Variants in NAA11 observed in about 807,000 individuals in gnomAD.
The protein encoded by NAA11 is N-alpha-acetyltransferase 11.
NAA11 carries 15 observed loss-of-function variants against 16.1 expected under a neutral mutation model. The ratio of observed to expected loss-of-function variants is 0.93; its 90% CI spans 0.62 to 1.44. The LOEUF is 1.44. NAA11 is among the 40% of genes most tolerant of loss of function. The pLI is 0.00. For missense variants in NAA11, 298 were observed against 291.3 expected, an observed-to-expected ratio of 1.02 and a Z score of -0.17; for synonymous variants, 122 against 112.4, an observed-to-expected ratio of 1.09 and a Z score of -0.54.
intron 1 of NAA11, among the ~76,000 whole-genome samples, chr4:79,318,704 G>A (rs1486564363): frequency 6.6e-6 from 1 of 152,146 alleles, no homozygotes; most frequent in African/African-American, 2.4e-5. Context: ...GGAGGAACAG[G>A]TCAGAAAGAC....
At chr4:79,266,107 C>T (rs533654035) in intron 2 of NAA11, among the ~76,000 whole-genome samples, 1 of 152,272 alleles carries the variant, frequency 6.6e-6, no homozygotes, top group East Asian at 1.9e-4. Context: ...GCCCTCATAT[C>T]CCCACTTCTC....
chr4:79,169,069 A>C, the NAA11 span, among the ~76,000 whole-genome samples: 1 of 152,208 alleles, frequency 6.6e-6, no homozygotes, highest in African/African-American at 2.4e-5. Context: ...GACCTCTTCA[A>C]GGAGAACTAC....
intron 2 of NAA11, chr4:79,244,631 TCCCCCTC>T (rs1721764379): frequency 3.1e-5 from 1 of 32,544 alleles, no homozygotes; most frequent in Non-Finnish European, 7.0e-5. Flanking sequence ...CCCCTCCCCC[TCCCCCTC>T]CCCGTCTCCG....
intron 2 of NAA11, among the ~76,000 whole-genome samples, chr4:79,274,284 T>C (rs777402295): frequency 6.6e-6 from 1 of 152,046 alleles, no homozygotes; most frequent in Non-Finnish European, 1.5e-5. Flanking sequence ...CTACACTGCA[T>C]TATGGGCTGA....
chr4:79,275,431 C>T (rs1006805757), intron 2 of NAA11, among the ~76,000 whole-genome samples: 3 of 151,960 alleles, frequency 2.0e-5, no homozygotes, highest in Non-Finnish European at 2.9e-5. Flanking sequence ...CAGATTTTTT[C>T]GCCCTACTAG....
chr4:79,168,316 T>G, the NAA11 span, among the ~76,000 whole-genome samples: 5 of 152,332 alleles, frequency 3.3e-5, no homozygotes, highest in South Asian at 1.0e-3. Flanking sequence ...TTGTGAACAG[T>G]GCCACAATAA....
the NAA11 span, among the ~76,000 whole-genome samples, chr4:79,197,237 G>T: frequency 4.0e-5 from 6 of 151,614 alleles, no homozygotes; most frequent in East Asian, 3.9e-4. Flanking sequence ...TTACTGAGGG[G>T]TTTTTTTTAA....
At chr4:79,172,026 A>G in the NAA11 span, among the ~76,000 whole-genome samples, 2 of 152,172 alleles carry the variant, frequency 1.3e-5, no homozygotes, top group Admixed American at 6.6e-5. Flanking sequence ...AACTTAGGAC[A>G]TTAAGAAGAA....
chr4:79,174,075 C>T, the NAA11 span, among the ~76,000 whole-genome samples: 1 of 152,038 alleles, frequency 6.6e-6, no homozygotes, highest in Admixed American at 6.6e-5. Context: ...CACCTGTGAT[C>T]CTGTTCATCA....
intron 2 of NAA11, among the ~76,000 whole-genome samples, chr4:79,241,900 C>T (rs1578157730): frequency 6.6e-6 from 1 of 152,222 alleles, no homozygotes; most frequent in East Asian, 1.9e-4. Context: ...CCACCTATCA[C>T]TACATGCTTT....
the NAA11 span, among the ~76,000 whole-genome samples, chr4:79,190,663 T>A: frequency 2.6e-5 from 4 of 152,264 alleles, no homozygotes; most frequent in South Asian, 2.1e-4. Flanking sequence ...TTTATTTTTT[T>A]AAATTTTTTA....
chr4:79,213,837 C>T, the NAA11 span, among the ~76,000 whole-genome samples: 1 of 152,158 alleles, frequency 6.6e-6, no homozygotes. Flanking sequence ...CTCACCTTCA[C>T]AGAAATACTG....
chr4:79,175,099 A>G, the NAA11 span, among the ~76,000 whole-genome samples: 1 of 152,054 alleles, frequency 6.6e-6, no homozygotes, highest in African/African-American at 2.4e-5. Flanking sequence ...TCTGAATGCA[A>G]ACTGTGTCTC....
intron 2 of NAA11, among the ~76,000 whole-genome samples, chr4:79,268,835 A>G (rs1267896741): frequency 2.1e-5 from 3 of 141,056 alleles, no homozygotes; most frequent in South Asian, 2.6e-4. Flanking sequence ...ATATCTCCCA[A>G]TGCTATCCCT....
chr4:79,188,381 C>T, the NAA11 span, among the ~76,000 whole-genome samples: 164 of 152,006 alleles, frequency 1.1e-3, no homozygotes, highest in African/African-American at 3.8e-3. Context: ...GTCGGGAGAT[C>T]GAGACCATCC....
chr4:79,300,074 A>C (rs967529193), intron 1 of NAA11, among the ~76,000 whole-genome samples: 5 of 152,174 alleles, frequency 3.3e-5, no homozygotes, highest in Non-Finnish European at 7.3e-5. Flanking sequence ...TCCCAAAGAG[A>C]CATTCATGCT....
chr4:79,222,316 C>CA (rs1560687447), downstream of NAA11, among the ~76,000 whole-genome samples: 1 of 151,832 alleles, frequency 6.6e-6, no homozygotes, highest in Non-Finnish European at 1.5e-5. Flanking sequence ...TTGATCCTTT[C>CA]AAAAAACCTC....
the NAA11 span, among the ~76,000 whole-genome samples, chr4:79,206,374 T>G: frequency 2.6e-5 from 4 of 152,180 alleles, no homozygotes; most frequent in African/African-American, 9.6e-5. Context: ...CTTCAAAGAC[T>G]TTCCCCCCCA....
downstream of NAA11, among the ~76,000 whole-genome samples, chr4:79,314,100 A>G (rs1348003614): frequency 1.3e-5 from 2 of 152,220 alleles, no homozygotes; most frequent in African/African-American, 4.8e-5. Flanking sequence ...AATAACATAC[A>G]TGATCTCACA....
Sources: allele counts gnomAD v4.1 joint callset (sites outside exome capture counted in the v4.1 genomes callset), GRCh38; gene constraint gnomAD v4.1.1; transcripts MANE v1.5; gene names NCBI Gene and HGNC (gene_info 2026-07-23, HGNC 2026-07-21).